The following PCDHA1 variants were observed in gnomAD, a reference collection of about 807,000 sequenced individuals.
PCDHA1 encodes the protein protocadherin alpha-1.
PCDHA1 carries 42 observed loss-of-function variants against 61.3 expected under a neutral mutation model. That is an observed-to-expected ratio of 0.69 (90% CI 0.54 to 0.89). The LOEUF (loss-of-function observed/expected upper bound fraction) is 0.89, where lower values mean the gene tolerates loss of function less well. PCDHA1 is among the 40% of genes least tolerant of loss of function. PCDHA1 has a pLI of 0.00. For missense variants in PCDHA1, 1,256 were observed against 1,235.3 expected (o/e 1.02, Z -0.25); for synonymous variants, 610 against 553.8 (o/e 1.10, Z -1.43).
At position 140,856,909 on chromosome 5, in the gene PCDHA1, G is replaced by A. The variant is rs782127825; in HGVS notation, c.2394+68225G>A. 1.5e-4 allele frequency: 234 copies of A among 1,596,020 alleles called. 23 individuals carry two copies. The highest frequency in any genetic ancestry group is 1.9e-4 in the Non-Finnish European group (221 of 1,165,964). Reference sequence around the variant, plus strand: ...CATTTAGCTCTTTGGTCCCACCCACGATAAGAAGGAAATTTTGGATAAACG... The same window carrying A: ...CATTTAGCTCTTTGGTCCCACCCACAATAAGAAGGAAATTTTGGATAAACG... On this transcript the variant is annotated intron_variant, in intron 1 of 3. Coordinates refer to ENST00000504120, the MANE Select transcript of PCDHA1 (RefSeq NM_018900.4).
intron 1 of PCDHA1, chr5:140,884,465 G>C (rs782791774): frequency 1.2e-6 from 2 of 1,613,634 alleles, no homozygotes; most frequent in Admixed American, 3.3e-5. Context: ...GGGCGCGTGC[G>C]CGCCGGGCAA....
intron 1 of PCDHA1, chr5:140,822,158 A>G (rs2150114176): frequency 6.2e-7 from 1 of 1,614,246 alleles, no homozygotes; most frequent in East Asian, 2.2e-5. Context: ...ATCAATGACA[A>G]TCCGCCCAGG....
chr5:140,797,275 G>A (rs1762206785), intron 1 of PCDHA1: 2 of 1,614,224 alleles, frequency 1.2e-6, no homozygotes, highest in South Asian at 1.1e-5. Context: ...GGACCTCATG[G>A]CCTTCAGCCC....
At position 140,828,476 on chromosome 5, in the gene PCDHA1, A is replaced by T. The variant is rs2150155737; in HGVS notation, c.2394+39792A>T. 1.4e-5 allele frequency: 22 copies of T among 1,614,168 alleles called. No homozygotes were observed. The South Asian group carries it at 2.4e-4, about 18-fold the overall frequency. On this transcript the variant is annotated intron_variant, in intron 1 of 3. Coordinates refer to ENST00000504120, the MANE Select transcript of PCDHA1 (RefSeq NM_018900.4). ...CGTGGAGGTGAGGGACATTAACGAC[A>T]ACCCGCCCTTGTTCCCGGTAGAGGA...
At chr5:141,008,159 G>A (rs1352277469) in intron 3 of PCDHA1, among the ~76,000 whole-genome samples, 1 of 152,138 alleles carries the variant, frequency 6.6e-6, no homozygotes, top group East Asian at 1.9e-4. Flanking sequence ...TTGATAAGAT[G>A]AGGACTAAAA....
chr5:140,810,561 A>G (rs1764683716), intron 1 of PCDHA1: 1 of 152,194 alleles, frequency 6.6e-6, no homozygotes, highest in Non-Finnish European at 1.5e-5. Context: ...ATTATTTTAT[A>G]TTTAAATGAA....
chr5:140,968,594 A>G (rs1218717024), intron 1 of PCDHA1: 3 of 1,614,176 alleles, frequency 1.9e-6, no homozygotes, highest in Non-Finnish European at 2.5e-6. Flanking sequence ...AGTCATAGCT[A>G]TGGACTCAGA....
At chr5:140,807,075 C>T in intron 1 of PCDHA1, 1 of 1,229,574 alleles carries the variant, frequency 8.1e-7, no homozygotes, top group Non-Finnish European at 1.1e-6. Context: ...ACCATATACA[C>T]TCTTTGGAGT....
intron 1 of PCDHA1, chr5:140,825,399 ATTATATATT>A (rs1370061180): frequency 4.1e-5 from 6 of 145,886 alleles, no homozygotes; most frequent in African/African-American, 1.5e-4. Flanking sequence ...TATCTAATAT[ATTATATATT>A]TTATATAATA....
chr5:141,010,462 T>A lies in PCDHA1; in HGVS notation c.*525T>A. On this transcript the variant is annotated 3_prime_UTR_variant, in exon 4 of 4. Transcript: ENST00000504120. ...ACAAATAAACAGCGGAAGTTATCAGTATGGAGGGGAAGTGTAAACTTAAAG... is the reference window on the plus strand; with the variant it reads ...ACAAATAAACAGCGGAAGTTATCAGAATGGAGGGGAAGTGTAAACTTAAAG... The A allele has an allele frequency of 2.4e-6, 2 of 822,568 alleles. No individual in the cohort carries two copies. Among genetic ancestry groups the A allele is most frequent in the Non-Finnish European group, 3.6e-6 (2 of 552,664 alleles). The allele number at this position is 822,568 out of a possible 1,614,324, so 51.0% of individuals were successfully genotyped here.
chr5:140,857,035 G>A (rs1358871197), intron 1 of PCDHA1: 4 of 1,596,218 alleles, frequency 2.5e-6, no homozygotes, highest in Non-Finnish European at 3.4e-6. Context: ...ACCCACCTAT[G>A]GTTGGTCACT....
chr5:140,818,474 G>T (rs1766368154), intron 1 of PCDHA1, among the ~76,000 whole-genome samples: 1 of 152,132 alleles, frequency 6.6e-6, no homozygotes, highest in South Asian at 2.1e-4. Flanking sequence ...CTCCCACAAA[G>T]TTTTCACTCA....
chr5:140,826,325 G>C (rs1455505548), intron 1 of PCDHA1, among the ~76,000 whole-genome samples: 1 of 151,996 alleles, frequency 6.6e-6, no homozygotes, highest in African/African-American at 2.4e-5. Context: ...GATTGTTTTT[G>C]GTTAAGAAAT....
chr5:140,964,759 G>T (rs1419505922), intron 1 of PCDHA1, among the ~76,000 whole-genome samples: 6 of 151,804 alleles, frequency 4.0e-5, no homozygotes, highest in Non-Finnish European at 7.4e-5. Context: ...GATGTTTGGG[G>T]AGGATGCAGA....
chr5:141,009,729 G>A lies in PCDHA1; in HGVS notation c.2645G>A (p.Gly882Asp). 6.2e-7 allele frequency: 1 copy of A among 1,614,168 alleles called. No homozygotes were observed. The highest frequency in any genetic ancestry group is 8.5e-7 in the Non-Finnish European group (1 of 1,180,028). The change falls in exon 4 of 4, where the codon GGT (glycine) becomes GAT (aspartate). Residue 882 changes from glycine to aspartate, a missense_variant. Physicochemically the swap from Gly to Asp is moderately conservative, Grantham distance 94. Transcript: ENST00000504120. ...GGCAACCCCAAACAATCCGGTCCCG[G>A]TGAGTTGCCCGACAAATTCATTATC... ...GPGNPKQSGP[G>D]ELPDKFIIPG...
chr5:140,929,174 G>C, intron 1 of PCDHA1: 1 of 1,614,140 alleles, frequency 6.2e-7, no homozygotes, highest in South Asian at 1.1e-5. Flanking sequence ...GCCTCTCTGG[G>C]ACTTGGTTCT....
chr5:140,876,499 G>C, intron 1 of PCDHA1: 1 of 1,614,028 alleles, frequency 6.2e-7, no homozygotes, highest in South Asian at 1.1e-5. Flanking sequence ...AGTTCTGGAC[G>C]TGAATGACAA....
At chr5:140,859,957 A>G (rs1554152871) in intron 1 of PCDHA1, 1 of 151,974 alleles carries the variant, frequency 6.6e-6, no homozygotes, top group African/African-American at 2.4e-5. Context: ...ATCAATTGTA[A>G]AAGTCTCAGG....
intron 1 of PCDHA1, chr5:140,794,979 C>T (rs1395231181): frequency 6.2e-7 from 1 of 1,610,484 alleles, no homozygotes; most frequent in Non-Finnish European, 8.5e-7. Flanking sequence ...CGTCTTCTAT[C>T]AGAAGGGGCC....
Sources: allele counts gnomAD v4.1 joint callset (sites outside exome capture counted in the v4.1 genomes callset), GRCh38; gene constraint gnomAD v4.1.1; transcripts MANE v1.5; gene names NCBI Gene and HGNC (gene_info 2026-07-23, HGNC 2026-07-21).